DACH2: variants seen among roughly 807,000 people sequenced by gnomAD.
The protein encoded by DACH2 is dachshund family transcription factor 2.
A neutral mutation model predicts 35.8 loss-of-function variants in DACH2; 17 were observed. The ratio of observed to expected loss-of-function variants is 0.48; its 90% confidence interval spans 0.33 to 0.71. The LOEUF (loss-of-function observed/expected upper bound fraction) is 0.71. Among genes scored for constraint, DACH2 ranks in the 30% least tolerant of loss-of-function variants. The pLI, the probability that DACH2 is intolerant of heterozygous loss-of-function variation, is 0.02. For missense variants in DACH2, 469 were observed against 472.7 expected, an observed-to-expected ratio of 0.99 and a Z score of 0.07; for synonymous variants, 195 against 177.3, an observed-to-expected ratio of 1.10 and a Z score of -0.79.
At chrX:86,501,181 A>G (rs1307639501) in intron 2 of DACH2, among the ~76,000 whole-genome samples, 1 of 112,446 alleles carries the variant, frequency 8.9e-6, no homozygotes, top group Non-Finnish European at 1.9e-5. Context: ...CCTTTTATGA[A>G]AGTATAAAAA....
At chrX:86,263,802 G>A (rs2033667167) in intron 1 of DACH2, among the ~76,000 whole-genome samples, 1 of 111,480 alleles carries the variant, frequency 9.0e-6, no homozygotes, top group Non-Finnish European at 1.9e-5. Flanking sequence ...AAATCAAATG[G>A]GCTTACATCA....
intron 2 of DACH2, among the ~76,000 whole-genome samples, chrX:86,385,843 G>T (rs189866888): frequency 3.0e-3 from 335 of 111,480 alleles, no homozygotes; most frequent in South Asian, 3.7e-3. Context: ...CAGCACAGAA[G>T]TGGTTAAAGG....
chrX:86,830,074 A>G (rs2042598498), intron 11 of DACH2: 1 of 111,858 alleles, frequency 8.9e-6, no homozygotes, highest in African/African-American at 3.2e-5. Context: ...CTGGATTAAA[A>G]TTCAGCTACT....
chrX:86,150,235 C>A (rs1472802203), intron 1 of DACH2, among the ~76,000 whole-genome samples: 1 of 112,172 alleles, frequency 8.9e-6, no homozygotes, highest in Non-Finnish European at 1.9e-5. Flanking sequence ...ACAAAAATCA[C>A]CATCACGTGG....
chrX:86,176,847 TG>T (rs1402685246), intron 1 of DACH2, among the ~76,000 whole-genome samples: 2 of 112,265 alleles, frequency 1.8e-5, no homozygotes, highest in Non-Finnish European at 3.8e-5. Context: ...AATGGAAGAC[TG>T]TAATTTATTA....
intron 1 of DACH2, among the ~76,000 whole-genome samples, chrX:86,153,320 T>C (rs558260701): frequency 9.0e-6 from 1 of 111,690 alleles, no homozygotes; most frequent in South Asian, 3.7e-4. Flanking sequence ...AACATAAATA[T>C]GGTTTTATAT....
chrX:86,194,482 G>C (rs1220497403), intron 1 of DACH2, among the ~76,000 whole-genome samples: 1 of 111,809 alleles, frequency 8.9e-6, no homozygotes, highest in South Asian at 3.8e-4. Context: ...AGACATGGAA[G>C]CTGGGCTGAA....
At chrX:86,477,925 C>T (rs2037873441) in intron 2 of DACH2, among the ~76,000 whole-genome samples, 1 of 110,785 alleles carries the variant, frequency 9.0e-6, no homozygotes, top group South Asian at 3.8e-4. Flanking sequence ...ATACTGTTTG[C>T]TTAAACAAAG....
chrX:86,396,966 T>C (rs1222785334), intron 2 of DACH2, among the ~76,000 whole-genome samples: 1 of 111,256 alleles, frequency 9.0e-6, no homozygotes, highest in Non-Finnish European at 1.9e-5. Flanking sequence ...ATTGAATCTG[T>C]AAATGACCTT....
At chrX:86,434,398 C>T (rs756378290) in intron 2 of DACH2, among the ~76,000 whole-genome samples, 24 of 111,921 alleles carry the variant, frequency 2.1e-4, no homozygotes, top group Admixed American at 2.1e-3. Flanking sequence ...AATTTCTTCA[C>T]TTATGACATG....
chrX:86,499,946 C>T (rs186309163), intron 2 of DACH2, among the ~76,000 whole-genome samples: 1 of 111,151 alleles, frequency 9.0e-6, no homozygotes, highest in Non-Finnish European at 1.9e-5. Context: ...CCGCCATGAC[C>T]AATTTCAAGC....
chrX:86,398,092 C>G (rs1209517003), intron 2 of DACH2, among the ~76,000 whole-genome samples: 2 of 111,919 alleles, frequency 1.8e-5, no homozygotes, highest in African/African-American at 6.5e-5. Flanking sequence ...TTCAGAGATT[C>G]AACTTCTTCC....
chrX:86,667,378 A>G (rs1459391782), intron 4 of DACH2, among the ~76,000 whole-genome samples: 4 of 95,332 alleles, frequency 4.2e-5, no homozygotes, highest in African/African-American at 7.7e-5. Context: ...GGGAGGGAGG[A>G]AGGAAGGAAG....
At chrX:86,520,132 T>G (rs1452243480) in intron 3 of DACH2, among the ~76,000 whole-genome samples, 1 of 111,790 alleles carries the variant, frequency 8.9e-6, no homozygotes, top group African/African-American at 3.3e-5. Flanking sequence ...TCAAAGTACT[T>G]TTTGATTTCT....
chrX:86,180,203 TA>T (rs2031442074), intron 1 of DACH2, among the ~76,000 whole-genome samples: 1 of 89,959 alleles, frequency 1.1e-5, no homozygotes, highest in East Asian at 3.2e-4. Context: ...TATATATATA[TA>T]TATGGTTCTT....
intron 1 of DACH2, among the ~76,000 whole-genome samples, chrX:86,174,352 T>C (rs1338089404): frequency 9.1e-6 from 1 of 109,737 alleles, no homozygotes; most frequent in Non-Finnish European, 1.9e-5. Flanking sequence ...TTCTTGAACT[T>C]CTGGCCTCAA....
intron 2 of DACH2, among the ~76,000 whole-genome samples, chrX:86,442,219 C>T (rs1467478610): frequency 9.1e-6 from 1 of 109,844 alleles, no homozygotes; most frequent in African/African-American, 3.3e-5. Context: ...GAAGTGATCG[C>T]TCATTGTGGC....
chrX:86,188,054 A>G (rs2031732277), intron 1 of DACH2, among the ~76,000 whole-genome samples: 1 of 111,997 alleles, frequency 8.9e-6, no homozygotes, highest in Non-Finnish European at 1.9e-5. Flanking sequence ...TTGATCGGAT[A>G]GCCTCTTTAA....
At chrX:86,617,676 C>G (rs2148374784) in intron 3 of DACH2, among the ~76,000 whole-genome samples, 1 of 111,691 alleles carries the variant, frequency 9.0e-6, no homozygotes, top group African/African-American at 3.2e-5. Context: ...ATTAGAAAAA[C>G]TGCTCTTTCT....
Sources: allele counts gnomAD v4.1 joint callset (sites outside exome capture counted in the v4.1 genomes callset), GRCh38; gene constraint gnomAD v4.1.1; transcripts MANE v1.5; gene names NCBI Gene and HGNC (gene_info 2026-07-23, HGNC 2026-07-21).